CDH18: variants seen among roughly 807,000 people sequenced by gnomAD.
The protein encoded by CDH18 is cadherin-18.
CDH18 carries 31 observed loss-of-function variants against 67.9 expected under a neutral mutation model. The observed-to-expected ratio is 0.46, with a 90% CI of 0.34 to 0.62. The LOEUF is 0.62. CDH18 is among the 20% of genes least tolerant of loss of function. The probability of loss-of-function intolerance (pLI) is 0.01; values close to 1 mark genes in which losing one functional copy is unlikely to be tolerated. For synonymous variants in CDH18, 362 were observed against 347.2 expected, an observed-to-expected ratio of 1.04 and a Z score of -0.48; for missense variants, 890 against 975.5, an observed-to-expected ratio of 0.91 and a Z score of 1.17.
At chr5:20,263,902 G>A (rs1744845195) in intron 1 of CDH18, among the ~76,000 whole-genome samples, 1 of 151,934 alleles carries the variant, frequency 6.6e-6, no homozygotes, top group African/African-American at 2.4e-5. Flanking sequence ...TAAGGAAAAG[G>A]TTATGGTATT....
chr5:19,595,906 CTTCTT>C (rs916919810), intron 6 of CDH18, among the ~76,000 whole-genome samples: 1 of 152,208 alleles, frequency 6.6e-6, no homozygotes, highest in African/African-American at 2.4e-5. Flanking sequence ...AAAACACCCT[CTTCTT>C]TTAAACAAAC....
At chr5:20,370,782 T>C (rs981015458) in intron 1 of CDH18, among the ~76,000 whole-genome samples, 1 of 152,132 alleles carries the variant, frequency 6.6e-6, no homozygotes, top group Non-Finnish European at 1.5e-5. Flanking sequence ...CTCGCGCCTG[T>C]AATCCCAGCA....
chr5:19,483,970 A>C (rs77515388), intron 11 of CDH18, among the ~76,000 whole-genome samples: 5,695 of 152,284 alleles, frequency 0.037, 178 homozygotes, highest in African/African-American at 0.089. Flanking sequence ...TATTTTTAGC[A>C]AACTACTGAG....
At chr5:19,553,403 T>G (rs1737803957) in intron 8 of CDH18, among the ~76,000 whole-genome samples, 2 of 151,662 alleles carry the variant, frequency 1.3e-5, no homozygotes, top group South Asian at 4.2e-4. Context: ...ACTTAAAGTA[T>G]AATAATAATA....
At chr5:19,666,403 T>A (rs1291511807) in intron 5 of CDH18, among the ~76,000 whole-genome samples, 1 of 151,592 alleles carries the variant, frequency 6.6e-6, no homozygotes, top group Non-Finnish European at 1.5e-5. Context: ...CCACCACACC[T>A]GGCAAATAAT....
chr5:19,896,715 A>C (rs1023307763), intron 2 of CDH18, among the ~76,000 whole-genome samples: 1 of 152,238 alleles, frequency 6.6e-6, no homozygotes, highest in Non-Finnish European at 1.5e-5. Context: ...TATGTGTGAT[A>C]ATATTGCATA....
chr5:19,841,739 G>T (rs1026328680), intron 2 of CDH18, among the ~76,000 whole-genome samples: 18 of 152,100 alleles, frequency 1.2e-4, no homozygotes, highest in Admixed American at 7.9e-4. Flanking sequence ...CTTAATTTAT[G>T]AGTACAAGGT....
chr5:19,475,813 G>C (rs552492573), intron 12 of CDH18, among the ~76,000 whole-genome samples: 3 of 152,060 alleles, frequency 2.0e-5, no homozygotes, highest in South Asian at 4.2e-4. Flanking sequence ...TTGAATGAAT[G>C]GTTGTGAATC....
intron 2 of CDH18, among the ~76,000 whole-genome samples, chr5:20,170,708 A>C (rs1736633981): frequency 2.0e-5 from 3 of 151,996 alleles, no homozygotes; most frequent in Non-Finnish European, 4.4e-5. Context: ...TGTTTTCCTT[A>C]AACTTTCATT....
chr5:19,520,139 A>G (rs1746662115), intron 10 of CDH18, among the ~76,000 whole-genome samples: 1 of 152,152 alleles, frequency 6.6e-6, no homozygotes, highest in African/African-American at 2.4e-5. Flanking sequence ...CTAGATGCAC[A>G]TGACATCCAG....
At position 20,436,242 on chromosome 5, in the gene CDH18, T is replaced by G. The variant is rs185428987; in HGVS notation, c.-580+139220A>C. Among the ~76,000 whole-genome samples, 3 of 152,110 alleles carry G rather than the reference T, an allele frequency of 2.0e-5. No homozygotes were observed. The East Asian group carries it at 5.8e-4, about 29-fold the overall frequency. ...CATTTCAAATTGCCAGAAACAGTTG[T>G]TGTTAATTGGGTCCATTGATTGTTC... On this transcript the variant is annotated intron_variant, in intron 1 of 14. Coordinates refer to the CDH18 transcript ENST00000507958.
chr5:20,264,967 A>G (rs899958037), intron 1 of CDH18, among the ~76,000 whole-genome samples: 13 of 152,128 alleles, frequency 8.5e-5, no homozygotes, highest in Non-Finnish European at 1.6e-4. Flanking sequence ...TTTAAGGAAA[A>G]GAAAAATGAT....
rs13354929 is a variant in CDH18 at position 19,983,920 on chromosome 5, A to G, written c.-375-2742T>C. ...CAACCATATGCAATAATCAAAATGCATAATACTAAATATGGTAGGGACACC... is the reference window on the plus strand; with the variant it reads ...CAACCATATGCAATAATCAAAATGCGTAATACTAAATATGGTAGGGACACC... On this transcript the variant is annotated intron_variant, in intron 1 of 12. Transcript: ENST00000382275. 2.1e-3 allele frequency among the ~76,000 whole-genome samples: 324 copies of G among 152,332 alleles called. 1 individual carries two copies. Among genetic ancestry groups the G allele is most frequent in the African/African-American group, 7.2e-3 (298 of 41,580 alleles).
intron 3 of CDH18, among the ~76,000 whole-genome samples, chr5:19,838,222 A>T (rs892610774): frequency 6.6e-6 from 1 of 152,148 alleles, no homozygotes; most frequent in African/African-American, 2.4e-5. Context: ...AAATATTCAT[A>T]TGATTTTAAA....
chr5:20,422,691 G>A (rs1747958387), intron 1 of CDH18, among the ~76,000 whole-genome samples: 1 of 150,992 alleles, frequency 6.6e-6, no homozygotes, highest in Non-Finnish European at 1.5e-5. Flanking sequence ...GATAATATGT[G>A]GCATTCATAA....
At chr5:19,723,695 T>A (rs773520896) in intron 4 of CDH18, among the ~76,000 whole-genome samples, 4 of 152,114 alleles carry the variant, frequency 2.6e-5, no homozygotes, top group Non-Finnish European at 4.4e-5. Context: ...ATAGGGCATT[T>A]TATTTTTTAT....
At chr5:19,479,873 C>A (rs1188848875) in intron 12 of CDH18, among the ~76,000 whole-genome samples, 1 of 152,052 alleles carries the variant, frequency 6.6e-6, no homozygotes, top group African/African-American at 2.4e-5. Context: ...CTTTATTAGT[C>A]TTGAGGGATA....
intron 2 of CDH18, among the ~76,000 whole-genome samples, chr5:19,956,625 A>G (rs1796278891): frequency 6.6e-6 from 1 of 151,794 alleles, no homozygotes; most frequent in African/African-American, 2.4e-5. Flanking sequence ...CCTGCCTTTA[A>G]ATTCTTTATC....
intron 9 of CDH18, among the ~76,000 whole-genome samples, chr5:19,533,588 CA>C (rs141908199): frequency 1.2e-3 from 190 of 152,040 alleles, no homozygotes; most frequent in African/African-American, 4.4e-3. Context: ...TTTTTGAGGA[CA>C]GGGGCATGCT....
Sources: allele counts gnomAD v4.1 joint callset (sites outside exome capture counted in the v4.1 genomes callset), GRCh38; gene constraint gnomAD v4.1.1; transcripts MANE v1.5; gene names NCBI Gene and HGNC (gene_info 2026-07-23, HGNC 2026-07-21).